PPM1E: variants seen among roughly 807,000 people sequenced by gnomAD.
PPM1E encodes the protein protein phosphatase, Mg2+/Mn2+ dependent 1E.
In PPM1E, 20 loss-of-function variants were observed where a neutral mutation model predicts 65.9. That is an observed-to-expected ratio of 0.30 (90% CI 0.21 to 0.44). The LOEUF is 0.44. Ranked by LOEUF, PPM1E falls within the 20% of genes least tolerant of loss-of-function variation. The pLI, the probability that PPM1E is intolerant of heterozygous loss-of-function variation, is 1.00. For missense variants in PPM1E, 713 were observed against 953.1 expected (o/e 0.75, Z 3.32); for synonymous variants, 352 against 374.9 (o/e 0.94, Z 0.70).
At chr17:58,934,928 A>G (rs965155294) in intron 1 of PPM1E, among the ~76,000 whole-genome samples, 1 of 150,030 alleles carries the variant, frequency 6.7e-6, no homozygotes, top group African/African-American at 2.4e-5. Flanking sequence ...CTCCGTCTCA[A>G]AAAAAAAAAG....
chr17:58,778,696 C>T (rs2050019856), intron 1 of PPM1E, among the ~76,000 whole-genome samples: 1 of 151,664 alleles, frequency 6.6e-6, no homozygotes, highest in Non-Finnish European at 1.5e-5. Context: ...CTCTGATTCT[C>T]AGGCTGAGAT....
At chr17:58,949,076 C>A (rs2052201602) in intron 1 of PPM1E, among the ~76,000 whole-genome samples, 1 of 152,144 alleles carries the variant, frequency 6.6e-6, no homozygotes, top group Admixed American at 6.6e-5. Context: ...TAGATGATTT[C>A]TGCAATGCTG....
intron 1 of PPM1E, among the ~76,000 whole-genome samples, chr17:58,898,923 C>G (rs1427394106): frequency 6.6e-6 from 1 of 151,268 alleles, no homozygotes; most frequent in South Asian, 2.1e-4. Context: ...AAACCAAACA[C>G]TGCATGTTCT....
intron 1 of PPM1E, among the ~76,000 whole-genome samples, chr17:58,792,950 C>T (rs575295950): frequency 1.1e-3 from 167 of 151,596 alleles, no homozygotes; most frequent in Non-Finnish European, 1.9e-3. Flanking sequence ...GACAGGGTTT[C>T]ACCATGTTGG....
At chr17:58,848,782 C>A (rs1186071461) in intron 1 of PPM1E, among the ~76,000 whole-genome samples, 2 of 152,184 alleles carry the variant, frequency 1.3e-5, no homozygotes, top group African/African-American at 4.8e-5. Flanking sequence ...ACGATGTTGG[C>A]CTCATAAAAT....
rs997065667 is a variant in PPM1E, at chr17:58,983,142, A to ATCT, written c.*2113_*2115dup. On this transcript the variant is annotated 3_prime_UTR_variant, in exon 7 of 7. Transcript: ENST00000308249. The stretch of plus-strand genomic sequence containing the variant: ...ATAGAACTGGGACAAACACAGACCC[A>ATCT]TCTTTAGGGGTCTGGATTTTGTAGG... 14 of 488,734 alleles carry ATCT rather than the reference A, an allele frequency of 2.9e-5. No homozygotes were observed. Among genetic ancestry groups the ATCT allele is most frequent in the Non-Finnish European group, 4.0e-5 (11 of 274,172 alleles). The allele number at this position is 488,734 out of a possible 1,614,324, so 30.3% of individuals were successfully genotyped here.
At chr17:58,877,990 A>T (rs1405140095) in intron 1 of PPM1E, among the ~76,000 whole-genome samples, 1 of 151,932 alleles carries the variant, frequency 6.6e-6, no homozygotes, top group Non-Finnish European at 1.5e-5. Flanking sequence ...AAAAAAAAAA[A>T]ATTATGGTTC....
At chr17:58,808,678 G>T (rs1223063912) in intron 1 of PPM1E, among the ~76,000 whole-genome samples, 1 of 152,052 alleles carries the variant, frequency 6.6e-6, no homozygotes, top group African/African-American at 2.4e-5. Context: ...CTCATTTTAT[G>T]TGTACAGTTC....
chr17:58,942,552 C>T (rs1011471824), intron 1 of PPM1E, among the ~76,000 whole-genome samples: 3 of 152,126 alleles, frequency 2.0e-5, no homozygotes, highest in African/African-American at 7.2e-5. Flanking sequence ...AAATCTTGTA[C>T]ACAAGCATCC....
chr17:58,837,750 G>A (rs574214070), intron 1 of PPM1E, among the ~76,000 whole-genome samples: 6 of 152,166 alleles, frequency 3.9e-5, no homozygotes, highest in African/African-American at 1.2e-4. Context: ...CACCCGCCTC[G>A]GCCTCCTGGA....
intron 2 of PPM1E, among the ~76,000 whole-genome samples, chr17:58,956,475 A>G (rs565503600): frequency 2.0e-5 from 3 of 152,032 alleles, no homozygotes; most frequent in Non-Finnish European, 4.4e-5. Flanking sequence ...AAAAAACCTT[A>G]ACTTTGTATC....
chr17:58,850,657 G>A (rs2050817829), intron 1 of PPM1E, among the ~76,000 whole-genome samples: 1 of 152,188 alleles, frequency 6.6e-6, no homozygotes, highest in Non-Finnish European at 1.5e-5. Flanking sequence ...CTATTAGTCT[G>A]ATGGGCTTCC....
intron 1 of PPM1E, among the ~76,000 whole-genome samples, chr17:58,909,982 A>G (rs1414128857): frequency 1.6e-5 from 2 of 127,826 alleles, no homozygotes; most frequent in African/African-American, 6.0e-5. Flanking sequence ...GGCTCACTGC[A>G]AACTCCACCT....
intron 2 of PPM1E, among the ~76,000 whole-genome samples, chr17:58,963,615 AG>A (rs2030116659): frequency 1.3e-5 from 2 of 152,240 alleles, no homozygotes; most frequent in South Asian, 4.1e-4. Context: ...AGGCTGAGGC[AG>A]GAGAATGGTG....
chr17:58,932,333 G>A (rs937320985), intron 1 of PPM1E, among the ~76,000 whole-genome samples: 5 of 152,086 alleles, frequency 3.3e-5, no homozygotes, highest in South Asian at 2.1e-4. Context: ...GCCGGGGATG[G>A]TGGTGCACAC....
At chr17:58,957,637 A>G (rs1322891979) in intron 2 of PPM1E, among the ~76,000 whole-genome samples, 1 of 152,170 alleles carries the variant, frequency 6.6e-6, no homozygotes, top group Non-Finnish European at 1.5e-5. Context: ...AGCATACTGA[A>G]TAAGACCTGC....
At chr17:58,849,751 G>A (rs983757162) in intron 1 of PPM1E, among the ~76,000 whole-genome samples, 1 of 152,182 alleles carries the variant, frequency 6.6e-6, no homozygotes, top group Non-Finnish European at 1.5e-5. Flanking sequence ...ATATTCTGTT[G>A]ATTTGGGGTG....
At chr17:58,872,023 C>T (rs1416730400) in intron 1 of PPM1E, among the ~76,000 whole-genome samples, 5 of 152,120 alleles carry the variant, frequency 3.3e-5, no homozygotes, top group Non-Finnish European at 5.9e-5. Context: ...TGAGGCTGGG[C>T]GTGGTGGCTC....
At chr17:58,883,610 C>T (rs983694458) in intron 1 of PPM1E, among the ~76,000 whole-genome samples, 1 of 150,064 alleles carries the variant, frequency 6.7e-6, no homozygotes, top group African/African-American at 2.4e-5. Context: ...CAGCCTCCCG[C>T]GTAGCTGGGA....
Sources: allele counts gnomAD v4.1 joint callset (sites outside exome capture counted in the v4.1 genomes callset), GRCh38; gene constraint gnomAD v4.1.1; transcripts MANE v1.5; gene names NCBI Gene and HGNC (gene_info 2026-07-23, HGNC 2026-07-21).